The following SEC22C variants were observed in gnomAD, a reference collection of about 807,000 sequenced individuals.
The protein encoded by SEC22C is SEC22 homolog C, vesicle trafficking protein.
Under a neutral mutation model 34.7 loss-of-function variants are expected in SEC22C, and 29 were observed. That is an observed-to-expected ratio of 0.84 (90% confidence interval 0.62 to 1.14). SEC22C has a LOEUF of 1.14. Ranked by LOEUF, SEC22C falls within the 50% of genes most tolerant of loss-of-function variation. SEC22C has a pLI of 0.00. For synonymous variants in SEC22C, 117 were observed against 132.8 expected, an observed-to-expected ratio of 0.88 and a Z score of 0.82; for missense variants, 337 against 369.0, an observed-to-expected ratio of 0.91 and a Z score of 0.71.
At chr3:42,579,595 T>C (rs1704184960) in intron 1 of SEC22C, 1 of 147,702 alleles carries the variant, frequency 6.8e-6, no homozygotes, top group Non-Finnish European at 1.5e-5. Flanking sequence ...AGTGAGACCC[T>C]GTCTCAAAAA....
rs149434117 is a variant in SEC22C, at chr3:42,551,048, T to C, written c.*2200A>G. 13,788 of 890,544 alleles carry C rather than the reference T, an allele frequency of 0.015. 126 individuals carry two copies. The highest frequency in any genetic ancestry group is 0.017 in the Non-Finnish European group (12,935 of 743,724). The allele number at this position is 890,544 out of a possible 1,614,324, so 55.2% of individuals were successfully genotyped here. A position where few individuals can be genotyped will look rare whatever the true frequency, so the allele number is the denominator to read the frequency against. On this transcript the variant is annotated 3_prime_UTR_variant, in exon 7 of 7. Coordinates refer to ENST00000264454, the MANE Select transcript of SEC22C (RefSeq NM_032970.4). The stretch of plus-strand genomic sequence containing the variant: ...CGTGCCCAGCTAATTTTTGTATTTT[T>C]AGTAGAGATGGGGTTTCACCATGTT...
At chr3:42,597,142 C>T (rs1230986460) in intron 1 of SEC22C, among the ~76,000 whole-genome samples, 1 of 152,212 alleles carries the variant, frequency 6.6e-6, no homozygotes, top group African/African-American at 2.4e-5. Flanking sequence ...ATTCAGCCTA[C>T]AGACTGCTCC....
intron 2 of SEC22C, among the ~76,000 whole-genome samples, chr3:42,568,664 A>G: frequency 6.6e-6 from 1 of 151,672 alleles, no homozygotes. Context: ...AAAAAAAAAA[A>G]AAAAGTTGGA....
chr3:42,552,826 G>C lies in SEC22C; in HGVS notation c.*422C>G. ...CCCTCTGAAAAAAAAAACTAATCAA[G>C]TTATGTTTAGACTGAAAGCTGATTT... On this transcript the variant is annotated 3_prime_UTR_variant, in exon 7 of 7. Transcript: ENST00000264454. 9.9e-7 allele frequency: 1 copy of C among 1,014,074 alleles called. No homozygotes were observed. 62.8% of individuals were successfully genotyped at this position (1,014,074 alleles called of 1,614,324 possible). A position where few individuals can be genotyped will look rare whatever the true frequency, so the allele number is the denominator to read the frequency against.
intron 1 of SEC22C, among the ~76,000 whole-genome samples, chr3:42,576,265 A>G (rs1308102360): frequency 1.3e-5 from 2 of 152,350 alleles, no homozygotes; most frequent in East Asian, 3.9e-4. Context: ...AAAAGTCTCA[A>G]AACAGTAATT....
intron 1 of SEC22C, among the ~76,000 whole-genome samples, chr3:42,576,141 A>T (rs895612174): frequency 5.9e-5 from 9 of 152,322 alleles, no homozygotes; most frequent in African/African-American, 1.4e-4. Flanking sequence ...AAAGGAAATT[A>T]AAAAAATACA....
rs142644517 is a variant in SEC22C, at chr3:42,559,327, C to T, written c.527-1631G>A. 3.4e-3 allele frequency among the ~76,000 whole-genome samples: 520 copies of T among 152,306 alleles called. 3 individuals carry two copies. The highest frequency in any genetic ancestry group is 3.6e-3 in the Non-Finnish European group (247 of 68,024). On this transcript the variant is annotated intron_variant, in intron 4 of 6. Coordinates refer to ENST00000264454, the MANE Select transcript of SEC22C (RefSeq NM_032970.4). ...CAGGACAATAGGGTAAATCAAATCA[C>T]AGTAAAATGTCCTAGAAAGACGGGC...
chr3:42,598,326 ATTTT>A (rs1417431695), intron 1 of SEC22C, among the ~76,000 whole-genome samples: 2 of 140,824 alleles, frequency 1.4e-5, no homozygotes, highest in Non-Finnish European at 1.6e-5. Context: ...AAAAGAACAA[ATTTT>A]TTTTTTTTTT....
Position 42,551,209 on chromosome 3 carries a change from C to T in SEC22C, c.*2039G>A, listed in dbSNP as rs1369904972. The T allele has an allele frequency of 2.0e-6, 2 of 985,310 alleles. No individual in the cohort carries two copies. The highest frequency in any genetic ancestry group is 3.5e-5 in the African/African-American group (2 of 57,234). 61.0% of individuals were successfully genotyped at this position (985,310 alleles called of 1,614,324 possible). A position where few individuals can be genotyped will look rare whatever the true frequency, so the allele number is the denominator to read the frequency against. ...CCCTCCTTAACTTCCCATTCTATTT[C>T]ACCATCTCTTCAAAATTGTCTCCCA... On this transcript the variant is annotated 3_prime_UTR_variant, in exon 7 of 7. Coordinates refer to ENST00000264454, the MANE Select transcript of SEC22C (RefSeq NM_032970.4).
At chr3:42,592,540 T>C (rs1704886531) in intron 1 of SEC22C, among the ~76,000 whole-genome samples, 1 of 152,204 alleles carries the variant, frequency 6.6e-6, no homozygotes, top group South Asian at 2.1e-4. Context: ...ATTTCATTGT[T>C]ACTGAAGAAA....
rs1048260331 is a variant in SEC22C, at chr3:42,561,399, G to A, written c.347-103C>T. ...CACATTTCTTTTTTTTGAAGATAGG[G>A]TCTCACTGTCGCCCACTCTGGAGTG... On this transcript the variant is annotated intron_variant, in intron 3 of 6. Coordinates refer to ENST00000264454, the MANE Select transcript of SEC22C (RefSeq NM_032970.4). The A allele has an allele frequency of 3.3e-6, 4 of 1,201,604 alleles. No individual in the cohort carries two copies. In the African/African-American group the frequency reaches 4.5e-5, roughly 14 times the overall value. The allele number at this position is 1,201,604 out of a possible 1,614,324, so 74.4% of individuals were successfully genotyped here.
In SEC22C at chr3:42,549,893, C is replaced by T; in HGVS notation, c.*3355G>A. The T allele has an allele frequency of 1.0e-6, 1 of 985,450 alleles. No homozygotes were observed. The highest frequency in any genetic ancestry group is 1.2e-6 in the Non-Finnish European group (1 of 829,948). The allele number at this position is 985,450 out of a possible 1,614,324, so 61.0% of individuals were successfully genotyped here. ...GGGATGCAAGCCCAAAAAGCAAAAG[C>T]AGGAGCTTATGGTCACATGCCTCCA... On this transcript the variant is annotated 3_prime_UTR_variant, in exon 7 of 7. Transcript: ENST00000264454.
intron 1 of SEC22C, among the ~76,000 whole-genome samples, chr3:42,589,521 C>T (rs1046492840): frequency 1.3e-5 from 2 of 152,174 alleles, no homozygotes; most frequent in African/African-American, 4.8e-5. Context: ...ATGGCTAGAA[C>T]AGGGGACCGG....
intron 2 of SEC22C, among the ~76,000 whole-genome samples, chr3:42,565,287 G>C (rs1389450412): frequency 6.6e-6 from 1 of 152,060 alleles, no homozygotes; most frequent in African/African-American, 2.4e-5. Context: ...TCAGCAGGAC[G>C]GTTTTTAGGT....
At chr3:42,584,097 C>G (rs564248928), upstream of SEC22C, among the ~76,000 whole-genome samples, 108 of 152,246 alleles carry the variant, frequency 7.1e-4, no homozygotes, top group African/African-American at 2.5e-3. Flanking sequence ...TGAGCCAGTT[C>G]CCCTAATAAA....
chr3:42,586,352 A>G (rs1704607739), upstream of SEC22C, among the ~76,000 whole-genome samples: 1 of 152,108 alleles, frequency 6.6e-6, no homozygotes, highest in Admixed American at 6.5e-5. Context: ...CCTCCCAAGT[A>G]GCTGGGACTA....
upstream of SEC22C, among the ~76,000 whole-genome samples, chr3:42,582,571 G>A (rs757342749): frequency 2.0e-5 from 3 of 152,232 alleles, no homozygotes; most frequent in Admixed American, 6.5e-5. Context: ...CTATGTGCCA[G>A]GGGTTGTGGA....
At position 42,592,203 on chromosome 3, in the gene SEC22C, C is replaced by A. The variant is rs141830180; in HGVS notation, c.-28+8757G>T. 5.3e-3 allele frequency among the ~76,000 whole-genome samples: 786 copies of A among 147,348 alleles called. 2 individuals carry two copies. Among genetic ancestry groups the A allele is most frequent in the Admixed American group, 7.6e-3 (113 of 14,778 alleles). ...GGTATTACGCCCATTTTTTTCTTTTCTTTTTTTTTTTCTTTTTGAGACAGT... is the reference window on the plus strand; with the variant it reads ...GGTATTACGCCCATTTTTTTCTTTTATTTTTTTTTTTCTTTTTGAGACAGT... On this transcript the variant is annotated intron_variant, in intron 1 of 6. Coordinates refer to the SEC22C transcript ENST00000417572.
chr3:42,594,374 G>T (rs773125096), intron 1 of SEC22C: 10 of 1,471,928 alleles, frequency 6.8e-6, no homozygotes, highest in South Asian at 1.1e-5. Flanking sequence ...TTTTGTTCAT[G>T]GTCGGTAAAA....
Sources: gnomAD v4.1 joint callset for allele counts (sites outside exome capture counted in the v4.1 genomes callset) on GRCh38, gnomAD v4.1.1 for gene constraint, MANE v1.5 for transcripts, NCBI Gene and HGNC (gene_info 2026-07-23, HGNC 2026-07-21) for gene names.